The following SYNE1 variants were observed in gnomAD, a reference collection of about 807,000 sequenced individuals.
SYNE1 encodes the protein nesprin-1.
Under a neutral mutation model 1,111.0 loss-of-function variants are expected in SYNE1, and 616 were observed. That is an observed-to-expected ratio of 0.55 (90% confidence interval 0.52 to 0.59). SYNE1 has a LOEUF of 0.59. SYNE1 is among the 20% of genes least tolerant of loss of function. The pLI is 0.00. For synonymous variants in SYNE1, 3,855 were observed against 3,825.8 expected, an observed-to-expected ratio of 1.01 and a Z score of -0.28; for missense variants, 10,006 against 10,417.0, an observed-to-expected ratio of 0.96 and a Z score of 1.72.
At chr6:152,551,703 G>C (rs2099347548) in intron 3 of SYNE1, among the ~76,000 whole-genome samples, 4 of 152,182 alleles carry the variant, frequency 2.6e-5, no homozygotes, top group Admixed American at 2.6e-4. Context: ...CCTACTGTTT[G>C]CTACAATGGA....
intron 34 of SYNE1, among the ~76,000 whole-genome samples, chr6:152,432,966 T>C (rs1401303592): frequency 1.3e-5 from 2 of 152,032 alleles, no homozygotes; most frequent in Non-Finnish European, 2.9e-5. Flanking sequence ...CTGAGCAACA[T>C]TGCACCCTCC....
Position 152,399,740 on chromosome 6 carries a change from G to C in SYNE1, c.7113C>G (p.His2371Gln). ...ENLNSLCRKY[H>Q]SAELESLGRA... is the part of the protein sequence containing the mutation. ...GGCCCAGGCTCTCCAACTCAGCTGA[G>C]TGGTACTTGCGGCACAAGCTATTGA... Residue 2371 changes from histidine (H) to glutamine (Q), a missense_variant, in exon 48 of 146, where the codon CAC (histidine) becomes CAG (glutamine). Physicochemically the swap from His to Gln is conservative, Grantham distance 24. Coordinates refer to ENST00000367255, the MANE Select transcript of SYNE1 (RefSeq NM_182961.4). 1 of 1,614,180 alleles carries C rather than the reference G, an allele frequency of 6.2e-7. No individual in the cohort carries two copies. Among genetic ancestry groups the C allele is most frequent in the South Asian group, 1.1e-5 (1 of 91,080 alleles).
At position 152,283,990 on chromosome 6, in the gene SYNE1, C is replaced by T; in HGVS notation, c.18195G>A (p.Arg6065=). Residue 6065 remains arginine (R), a synonymous_variant, in exon 96 of 146, where the codon CGG becomes CGA. Transcript: ENST00000367255. ...STIRMKASGK[R]QLLEEKLNDQ... is the part of the protein sequence containing the mutation. ...AGTTATTGGTTACCTCCAAAAGCTG[C>T]CGTTTCCCCGAGGCTTTCATCCTGA... 6.2e-7 allele frequency: 1 copy of T among 1,614,160 alleles called. No homozygotes were observed. The highest frequency in any genetic ancestry group is 8.5e-7 in the Non-Finnish European group (1 of 1,179,992).
chr6:152,548,189 C>T (rs1462478143), intron 3 of SYNE1, among the ~76,000 whole-genome samples: 1 of 152,168 alleles, frequency 6.6e-6, no homozygotes. Context: ...GCACAGAATG[C>T]ACTACAGACA....
At chr6:152,421,444 G>A (rs1203223128) in intron 39 of SYNE1, among the ~76,000 whole-genome samples, 1 of 151,924 alleles carries the variant, frequency 6.6e-6, no homozygotes, top group Non-Finnish European at 1.5e-5. Flanking sequence ...AATTTATCTT[G>A]CAAATAAGTT....
At chr6:152,346,754 G>T (rs1471144707) in intron 73 of SYNE1, among the ~76,000 whole-genome samples, 1 of 152,120 alleles carries the variant, frequency 6.6e-6, no homozygotes, top group Non-Finnish European at 1.5e-5. Context: ...AGCTTGCAGT[G>T]AGCCGAGATC....
At chr6:152,134,815 C>T in intron 142 of SYNE1, 1 of 375,514 alleles carries the variant, frequency 2.7e-6, no homozygotes, top group East Asian at 5.6e-5. Flanking sequence ...AATTAAGCTG[C>T]CTTAATAAAC....
intron 101 of SYNE1, among the ~76,000 whole-genome samples, chr6:152,257,591 T>G (rs1008370621): frequency 6.6e-6 from 1 of 152,120 alleles, no homozygotes; most frequent in East Asian, 1.9e-4. Context: ...GGCTTGCAAA[T>G]TTTATGAAAT....
At chr6:152,395,766 T>C (rs2097722236) in intron 50 of SYNE1, 95 bp from the exon 51 acceptor site, 2 of 1,321,536 alleles carry the variant, frequency 1.5e-6, no homozygotes, top group Non-Finnish European at 2.2e-6. Context: ...TAAATGGCAA[T>C]TAAGACCTCA....
At chr6:152,328,980 C>G (rs2096170155) in intron 78 of SYNE1, among the ~76,000 whole-genome samples, 1 of 152,178 alleles carries the variant, frequency 6.6e-6, no homozygotes, top group Admixed American at 6.5e-5. Flanking sequence ...CATTGTCTGC[C>G]TCTCTCCATT....
At chr6:152,123,886 C>G (rs1276648364) in intron 145 of SYNE1, among the ~76,000 whole-genome samples, 1 of 152,152 alleles carries the variant, frequency 6.6e-6, no homozygotes, top group Non-Finnish European at 1.5e-5. Context: ...CACCTATTAC[C>G]TATTAATTTC....
At chr6:152,324,342 T>G (rs1369686998) in intron 81 of SYNE1, among the ~76,000 whole-genome samples, 1 of 151,870 alleles carries the variant, frequency 6.6e-6, no homozygotes, top group Non-Finnish European at 1.5e-5. Context: ...GAGGTTGCAG[T>G]GAGCTGAGAT....
chr6:152,469,459 A>G (rs2098792606), intron 16 of SYNE1, among the ~76,000 whole-genome samples: 2 of 152,168 alleles, frequency 1.3e-5, no homozygotes, highest in South Asian at 4.2e-4. Flanking sequence ...TGGTATCTGC[A>G]CTTCATCAGT....
intron 3 of SYNE1, among the ~76,000 whole-genome samples, chr6:152,565,476 T>C (rs1438647609): frequency 6.6e-6 from 1 of 152,208 alleles, no homozygotes; most frequent in African/African-American, 2.4e-5. Flanking sequence ...TTACTGGCAC[T>C]GCTATTTACC....
intron 91 of SYNE1, 110 bp from the exon 92 acceptor site, chr6:152,302,173 G>C: frequency 6.9e-7 from 1 of 1,447,124 alleles, no homozygotes; most frequent in African/African-American, 1.4e-5. Context: ...GAGCCGCGCG[G>C]GCCCGGGAGG....
intron 115 of SYNE1, among the ~76,000 whole-genome samples, chr6:152,226,289 G>GTA (rs1161983302): frequency 2.7e-5 from 4 of 147,968 alleles, no homozygotes; most frequent in Non-Finnish European, 4.5e-5. Context: ...CTGGGCCCTA[G>GTA]TATCTGAGAT....
chr6:152,438,969 T>A (rs2098501850), intron 32 of SYNE1, among the ~76,000 whole-genome samples: 1 of 152,206 alleles, frequency 6.6e-6, no homozygotes, highest in Admixed American at 6.5e-5. Flanking sequence ...CCTCACTATT[T>A]AGTGATCCGC....
chr6:152,138,561 T>C (rs913530062), intron 140 of SYNE1, among the ~76,000 whole-genome samples: 2 of 147,558 alleles, frequency 1.4e-5, no homozygotes, highest in African/African-American at 5.0e-5. Flanking sequence ...ATAAATAAAA[T>C]AAAACAAAAT....
At position 152,409,608 on chromosome 6, in the gene SYNE1, G is replaced by A. The variant is rs760835706; in HGVS notation, c.6332C>T (p.Thr2111Ile). ...VLENASSVIVTRTTIKDQEDL... is the reference protein window; with the variant it reads ...VLENASSVIVIRTTIKDQEDL... ...CTCCTGATCTTTTATGGTAGTTCTG[G>A]TTACAATCACACTGCTGGCATTTTC... Residue 2111 changes from threonine to isoleucine, a missense_variant, in exon 43 of 146, where the codon ACC becomes ATC. By Grantham distance (89) the Thr-to-Ile change is moderately conservative. Coordinates refer to ENST00000367255, the MANE Select transcript of SYNE1 (RefSeq NM_182961.4). 3 of 1,613,828 alleles carry A rather than the reference G, an allele frequency of 1.9e-6. No individual in the cohort carries two copies. Among genetic ancestry groups the A allele is most frequent in the Non-Finnish European group, 2.5e-6 (3 of 1,179,958 alleles).
Sources: gnomAD v4.1 joint callset for allele counts (sites outside exome capture counted in the v4.1 genomes callset) on GRCh38, gnomAD v4.1.1 for gene constraint, MANE v1.5 for transcripts, NCBI Gene and HGNC (gene_info 2026-07-23, HGNC 2026-07-21) for gene names.